The following KIAA0825 variants were observed in gnomAD, a reference collection of about 807,000 sequenced individuals.
The protein encoded by KIAA0825 is uncharacterized protein KIAA0825.
KIAA0825 carries 119 observed loss-of-function variants against 147.6 expected under a neutral mutation model. That is an observed-to-expected ratio of 0.81 (90% CI 0.69 to 0.94). KIAA0825 has a LOEUF of 0.94. Among genes scored for constraint, KIAA0825 ranks in the 40% least tolerant of loss-of-function variants. The pLI, the probability that KIAA0825 is intolerant of heterozygous loss-of-function variation, is 0.00. For missense variants in KIAA0825, 1,381 were observed against 1,472.7 expected (o/e 0.94, Z 1.02); for synonymous variants, 470 against 518.1 (o/e 0.91, Z 1.26).
At position 94,186,072 on chromosome 5, in the gene KIAA0825, A is replaced by G. The variant is rs1039384970; in HGVS notation, c.3711-31948T>C. Among the ~76,000 whole-genome samples the G allele has an allele frequency of 3.9e-5, 6 of 152,310 alleles. No individual in the cohort carries two copies. The East Asian group carries it at 5.8e-4, about 15-fold the overall frequency. On this transcript the variant is annotated intron_variant, in intron 20 of 20. Transcript: ENST00000682413. ...CTGTTTATTTAAAGTAACCTTCCCA[A>G]CAGAGTATAGGGTAGTACTATACAA... is the stretch of plus-strand genomic sequence containing the variant.
At chr5:94,358,581 T>C (rs1455127732) in intron 20 of KIAA0825, among the ~76,000 whole-genome samples, 3 of 152,200 alleles carry the variant, frequency 2.0e-5, no homozygotes, top group Non-Finnish European at 4.4e-5. Context: ...TCTACATACA[T>C]GGGGCAAAGT....
At chr5:94,542,546 C>A (rs1008732602) in intron 2 of KIAA0825, among the ~76,000 whole-genome samples, 2 of 152,158 alleles carry the variant, frequency 1.3e-5, no homozygotes, top group African/African-American at 4.8e-5. Flanking sequence ...GTGGCTCATG[C>A]CCGTAGTCCC....
intron 2 of KIAA0825, among the ~76,000 whole-genome samples, chr5:94,551,181 G>GA (rs940394329): frequency 3.3e-5 from 5 of 149,824 alleles, no homozygotes; most frequent in Middle Eastern, 3.4e-3. Flanking sequence ...AATACAGGAA[G>GA]AAAAAAAAAT....
chr5:94,313,888 A>T (rs1019016156), intron 20 of KIAA0825, among the ~76,000 whole-genome samples: 1 of 151,562 alleles, frequency 6.6e-6, no homozygotes, highest in African/African-American at 2.4e-5. Flanking sequence ...GCATTTCCTG[A>T]CAGCGCATTA....
chr5:94,498,771 G>A (rs1373436372), intron 5 of KIAA0825, among the ~76,000 whole-genome samples: 1 of 152,138 alleles, frequency 6.6e-6, no homozygotes, highest in African/African-American at 2.4e-5. Context: ...AATCTCTACT[G>A]CTGGTACTGT....
intron 19 of KIAA0825, among the ~76,000 whole-genome samples, chr5:94,385,736 T>C (rs769417416): frequency 5.0e-4 from 76 of 152,214 alleles, no homozygotes; most frequent in Non-Finnish European, 9.4e-4. Context: ...TTTAAGATCA[T>C]TAACAAATTC....
intron 15 of KIAA0825, among the ~76,000 whole-genome samples, chr5:94,408,517 G>T (rs1584405388): frequency 2.4e-5 from 1 of 41,894 alleles, no homozygotes; most frequent in South Asian, 8.4e-4. Flanking sequence ...CAGCTAATTT[G>T]TGTGTGTGTG....
Position 94,167,197 on chromosome 5 carries a change from G to A in KIAA0825, c.3711-13073C>T, listed in dbSNP as rs1768128917. On this transcript the variant is annotated intron_variant, in intron 20 of 20. Transcript: ENST00000682413. ...ATGATGAAAATCCACAAAAGCTTTT[G>A]CCTAATGTTTTAAAACCCATGTTTT... is the stretch of plus-strand genomic sequence containing the variant. Among the ~76,000 whole-genome samples the A allele has an allele frequency of 2.6e-5, 4 of 152,072 alleles. No individual in the cohort carries two copies. The South Asian group carries it at 8.3e-4, about 32-fold the overall frequency.
At chr5:94,340,347 A>G (rs1782246402) in intron 20 of KIAA0825, among the ~76,000 whole-genome samples, 1 of 152,002 alleles carries the variant, frequency 6.6e-6, no homozygotes, top group Non-Finnish European at 1.5e-5. Flanking sequence ...CAAACCATCC[A>G]TTTTTTGGGG....
chr5:94,336,188 G>A (rs1781768848), intron 20 of KIAA0825, among the ~76,000 whole-genome samples: 3 of 151,890 alleles, frequency 2.0e-5, no homozygotes, highest in Admixed American at 2.0e-4. Flanking sequence ...TAGCCGACAT[G>A]GTGAAACCCT....
At chr5:94,176,982 A>C (rs1324788667) in intron 20 of KIAA0825, among the ~76,000 whole-genome samples, 2 of 152,164 alleles carry the variant, frequency 1.3e-5, no homozygotes. Context: ...AAAGCACAAC[A>C]GGGAAATTAC....
At chr5:94,374,118 T>C (rs1226159966) in intron 20 of KIAA0825, among the ~76,000 whole-genome samples, 1 of 152,092 alleles carries the variant, frequency 6.6e-6, no homozygotes, top group Non-Finnish European at 1.5e-5. Context: ...TACAAGCAAG[T>C]TTTAAAATAG....
chr5:94,411,080 G>A (rs1277575363), intron 15 of KIAA0825, among the ~76,000 whole-genome samples: 1 of 152,072 alleles, frequency 6.6e-6, no homozygotes, highest in Non-Finnish European at 1.5e-5. Flanking sequence ...AGGATAGGGA[G>A]GAAGTAAATG....
intron 1 of KIAA0825, chr5:94,593,672 C>T: frequency 2.4e-6 from 1 of 409,232 alleles, no homozygotes; most frequent in Admixed American, 3.2e-5. Context: ...AGCAGAAATT[C>T]ATGTCTGATT....
chr5:94,195,557 A>G (rs1351052291), intron 20 of KIAA0825, among the ~76,000 whole-genome samples: 2 of 151,920 alleles, frequency 1.3e-5, no homozygotes, highest in Non-Finnish European at 2.9e-5. Flanking sequence ...TTTTAAACAC[A>G]TGCTCCCTGG....
chr5:94,223,647 T>C (rs1455431377), intron 20 of KIAA0825, among the ~76,000 whole-genome samples: 4 of 152,216 alleles, frequency 2.6e-5, no homozygotes, highest in African/African-American at 9.6e-5. Flanking sequence ...ATATGCTAAA[T>C]CTATCGAAGG....
intron 2 of KIAA0825, among the ~76,000 whole-genome samples, chr5:94,546,415 C>T (rs1456381088): frequency 1.3e-5 from 2 of 152,034 alleles, no homozygotes; most frequent in Admixed American, 1.3e-4. Context: ...TTAGGCAAGA[C>T]CCAGCGCTGT....
intron 20 of KIAA0825, among the ~76,000 whole-genome samples, chr5:94,296,466 G>C (rs1778143447): frequency 6.6e-6 from 1 of 152,124 alleles, no homozygotes; most frequent in Non-Finnish European, 1.5e-5. Context: ...AAATACTCCT[G>C]CAGCTAGCTC....
At chr5:94,160,485 A>C (rs1232350203) in intron 20 of KIAA0825, among the ~76,000 whole-genome samples, 3 of 149,110 alleles carry the variant, frequency 2.0e-5, no homozygotes, top group Non-Finnish European at 3.0e-5. Flanking sequence ...TATATAGTAC[A>C]TATCTGTATA....
Sources: allele counts gnomAD v4.1 joint callset (sites outside exome capture counted in the v4.1 genomes callset), GRCh38; gene constraint gnomAD v4.1.1; transcripts MANE v1.5; gene names NCBI Gene and HGNC (gene_info 2026-07-23, HGNC 2026-07-21).